The following WDPCP variants were observed in gnomAD, a reference collection of about 807,000 sequenced individuals.
WDPCP encodes WD repeat containing planar cell polarity effector.
A neutral mutation model predicts 93.1 loss-of-function variants in WDPCP; 71 were observed. That is an observed-to-expected ratio of 0.76 (90% CI 0.63 to 0.93). The LOEUF (loss-of-function observed/expected upper bound fraction) is 0.93. WDPCP is among the 40% of genes least tolerant of loss of function. The pLI is 0.00. For missense variants in WDPCP, 844 were observed against 887.4 expected (o/e 0.95, Z 0.62); for synonymous variants, 315 against 315.0 (o/e 1.00, Z 0.00).
At chr2:63,278,018 A>G (rs996989591) in intron 13 of WDPCP, among the ~76,000 whole-genome samples, 1 of 152,206 alleles carries the variant, frequency 6.6e-6, no homozygotes, top group Non-Finnish European at 1.5e-5. Flanking sequence ...AGGCCACAAA[A>G]CAAGTCTCAC....
At chr2:63,748,239 A>T (rs1393943489) in intron 2 of WDPCP, among the ~76,000 whole-genome samples, 1 of 151,530 alleles carries the variant, frequency 6.6e-6, no homozygotes, top group Non-Finnish European at 1.5e-5. Context: ...TTCTTTTGTT[A>T]TGTTTTCTTG....
chr2:63,702,648 C>T (rs533468790), intron 2 of WDPCP, among the ~76,000 whole-genome samples: 2 of 151,794 alleles, frequency 1.3e-5, no homozygotes, highest in African/African-American at 4.8e-5. Context: ...ACACCATTCT[C>T]CTGCCTCAGC....
Position 63,328,036 on chromosome 2 carries a change from C to T in WDPCP, c.1749-14725G>A, listed in dbSNP as rs1425983550. ...AAATTCCCAACAGCAATTGGGGTGT[C>T]CTGTTTAGAGAGGGGATTGAGAGGT... is the stretch of plus-strand genomic sequence containing the variant. On this transcript the variant is annotated intron_variant, in intron 12 of 17. Coordinates refer to ENST00000272321, the MANE Select transcript of WDPCP (RefSeq NM_015910.7). 2.0e-5 allele frequency among the ~76,000 whole-genome samples: 3 copies of T among 152,206 alleles called. No homozygotes were observed. The East Asian group carries it at 5.8e-4, about 29-fold the overall frequency.
intron 13 of WDPCP, among the ~76,000 whole-genome samples, chr2:63,261,295 T>C (rs1274878811): frequency 6.6e-6 from 1 of 151,970 alleles, no homozygotes; most frequent in Non-Finnish European, 1.5e-5. Flanking sequence ...GCAAAGGAAA[T>C]TTACATATTC....
chr2:63,259,211 A>G (rs753894674), intron 14 of WDPCP, 96 bp downstream of exon 14: 127 of 1,054,252 alleles, frequency 1.2e-4, no homozygotes, highest in Non-Finnish European at 1.5e-4. Flanking sequence ...AAACAAAGTA[A>G]TTCAAATTAA....
intron 12 of WDPCP, among the ~76,000 whole-genome samples, chr2:63,338,569 A>AAAT (rs1688611848): frequency 6.9e-5 from 1 of 14,480 alleles, no homozygotes; most frequent in African/African-American, 6.1e-4. Context: ...AAAAAAAAAA[A>AAAT]ATATATATAT....
intron 12 of WDPCP, among the ~76,000 whole-genome samples, chr2:63,354,950 A>C (rs1689903356): frequency 6.6e-6 from 1 of 152,356 alleles, no homozygotes; most frequent in Non-Finnish European, 1.5e-5. Context: ...TTATGTAAAG[A>C]GGCCAAATAT....
chr2:63,400,407 T>C (rs151118019), intron 10 of WDPCP, among the ~76,000 whole-genome samples: 65 of 152,200 alleles, frequency 4.3e-4, no homozygotes, highest in Non-Finnish European at 1.8e-4. Context: ...CAAAAGCAAT[T>C]GCAACAAAAG....
intron 3 of WDPCP, among the ~76,000 whole-genome samples, chr2:63,617,781 G>T (rs976449349): frequency 9.9e-5 from 15 of 151,938 alleles, no homozygotes; most frequent in Non-Finnish European, 1.6e-4. Context: ...TTTATTTTAG[G>T]CAGTTGAGAT....
At chr2:63,358,450 TA>T (rs1167964398) in intron 12 of WDPCP, among the ~76,000 whole-genome samples, 12 of 152,142 alleles carry the variant, frequency 7.9e-5, no homozygotes, top group African/African-American at 2.9e-4. Context: ...AGTATATAGA[TA>T]AGTAGCTTGT....
Position 63,790,893 on chromosome 2 carries a change from A to G in WDPCP, n.308+22729T>C, listed in dbSNP as rs1044466012. On this transcript the variant is annotated intron_variant and non_coding_transcript_variant, in intron 2 of 4. Transcript: ENST00000467687. ...AAATAATCAGATTTTTAAAACACAC[A>G]TTGTTTAGTTTTCCTTTACATATAA... is the stretch of plus-strand genomic sequence containing the variant. Among the ~76,000 whole-genome samples, 6 of 152,366 alleles carry G rather than the reference A, an allele frequency of 3.9e-5. No homozygotes were observed. In the South Asian group the frequency reaches 1.0e-3, roughly 26 times the overall value.
intron 15 of WDPCP, among the ~76,000 whole-genome samples, chr2:63,158,662 G>A (rs1006292000): frequency 1.1e-4 from 17 of 152,054 alleles, no homozygotes; most frequent in Non-Finnish European, 2.4e-4. Flanking sequence ...TCCTTCTACA[G>A]CTCTAATGTC....
intron 2 of WDPCP, among the ~76,000 whole-genome samples, chr2:63,757,709 A>G (rs1354393317): frequency 6.6e-6 from 1 of 152,230 alleles, no homozygotes; most frequent in Non-Finnish European, 1.5e-5. Flanking sequence ...AGACATAGAC[A>G]GGTAATTTAC....
intron 1 of WDPCP, among the ~76,000 whole-genome samples, chr2:63,569,291 A>G (rs1287318158): frequency 6.6e-6 from 1 of 152,228 alleles, no homozygotes; most frequent in African/African-American, 2.4e-5. Flanking sequence ...ACTTGAGACA[A>G]TGGTTATCAC....
At chr2:63,501,924 G>C (rs1381933190) in intron 1 of WDPCP, among the ~76,000 whole-genome samples, 1 of 152,084 alleles carries the variant, frequency 6.6e-6, no homozygotes, top group Non-Finnish European at 1.5e-5. Flanking sequence ...CTGGTCTTTT[G>C]TTTCTTCTCA....
At chr2:63,477,603 C>A (rs1700043856) in intron 6 of WDPCP, among the ~76,000 whole-genome samples, 1 of 152,012 alleles carries the variant, frequency 6.6e-6, no homozygotes, top group Non-Finnish European at 1.5e-5. Context: ...AACTTTTGCT[C>A]CAAGAACTAC....
chr2:63,293,130 G>T (rs1684570332), intron 13 of WDPCP, among the ~76,000 whole-genome samples: 1 of 152,160 alleles, frequency 6.6e-6, no homozygotes, highest in Admixed American at 6.5e-5. Context: ...TGCCTGAAGT[G>T]ACTTGTAGTA....
At chr2:63,540,887 G>A (rs1704663259) in intron 1 of WDPCP, among the ~76,000 whole-genome samples, 1 of 151,860 alleles carries the variant, frequency 6.6e-6, no homozygotes, top group African/African-American at 2.4e-5. Flanking sequence ...GGGACTACAG[G>A]TGCACACTAC....
At chr2:63,373,254 G>GTTT (rs70965124) in intron 12 of WDPCP, among the ~76,000 whole-genome samples, 79,159 of 143,286 alleles carry the variant, frequency 0.55, 22,058 homozygotes, top group Admixed American at 0.63. Context: ...TTTTTTTGTT[G>GTTT]TTTTTTTTTT....
Sources: allele counts gnomAD v4.1 joint callset (sites outside exome capture counted in the v4.1 genomes callset), GRCh38; gene constraint gnomAD v4.1.1; transcripts MANE v1.5; gene names NCBI Gene and HGNC (gene_info 2026-07-23, HGNC 2026-07-21).